EPS15: variants seen among roughly 807,000 people sequenced by gnomAD.
EPS15 encodes the protein epidermal growth factor receptor pathway substrate 15.
In EPS15, 72 loss-of-function variants were observed where a neutral mutation model predicts 113.8. The observed-to-expected ratio is 0.63, with a 90% CI of 0.52 to 0.77. The LOEUF is 0.77. Among genes scored for constraint, EPS15 ranks in the 30% least tolerant of loss-of-function variants. The probability of loss-of-function intolerance (pLI) is 0.00; values close to 1 mark genes in which losing one functional copy is unlikely to be tolerated. For synonymous variants in EPS15, 344 were observed against 363.4 expected, an observed-to-expected ratio of 0.95 and a Z score of 0.61; for missense variants, 1,048 against 1,045.8, an observed-to-expected ratio of 1.00 and a Z score of -0.03.
At chr1:51,366,712 T>C (rs1244940340) in intron 21 of EPS15, among the ~76,000 whole-genome samples, 6 of 152,226 alleles carry the variant, frequency 3.9e-5, no homozygotes, top group Non-Finnish European at 8.8e-5. Flanking sequence ...ATAATACCAT[T>C]AATGCCACAT....
chr1:51,433,989 T>A (rs1365542526), intron 12 of EPS15, among the ~76,000 whole-genome samples: 2 of 152,222 alleles, frequency 1.3e-5, no homozygotes, highest in Non-Finnish European at 2.9e-5. Context: ...CATTTTACTG[T>A]CACAGCAACA....
intron 11 of EPS15, among the ~76,000 whole-genome samples, chr1:51,440,838 T>A (rs1652543119): frequency 6.6e-6 from 1 of 152,090 alleles, no homozygotes; most frequent in African/African-American, 2.4e-5. Context: ...TGGCTGAGAG[T>A]AAACACACAA....
chr1:51,369,501 C>T (rs1278502053), intron 21 of EPS15, among the ~76,000 whole-genome samples: 3 of 152,074 alleles, frequency 2.0e-5, no homozygotes, highest in African/African-American at 7.2e-5. Context: ...TACCGCCTTT[C>T]CCCAAAGAAT....
intron 8 of EPS15, 42 bp from the exon 9 acceptor site, chr1:51,448,177 T>G (rs1173366643): frequency 8.5e-7 from 1 of 1,182,520 alleles, no homozygotes; most frequent in South Asian, 1.3e-5. Flanking sequence ...TTAAAAGCAC[T>G]TAACATCCAC....
intron 11 of EPS15, among the ~76,000 whole-genome samples, chr1:51,444,023 A>G (rs1380254194): frequency 2.0e-5 from 3 of 152,192 alleles, no homozygotes; most frequent in Non-Finnish European, 4.4e-5. Context: ...AAAACCCAAA[A>G]TATTCTATGA....
intron 1 of EPS15, among the ~76,000 whole-genome samples, chr1:51,488,486 A>AAAAAAAAC (rs1644167581): frequency 6.6e-6 from 1 of 150,568 alleles, no homozygotes; most frequent in African/African-American, 2.4e-5. Flanking sequence ...AAAAAAAAAA[A>AAAAAAAAC]AAAAAAAAAA....
At chr1:51,499,268 TATTTC>T (rs769993351) in intron 1 of EPS15, among the ~76,000 whole-genome samples, 9 of 152,372 alleles carry the variant, frequency 5.9e-5, no homozygotes, top group Admixed American at 2.0e-4. Context: ...GTGTTTGGCT[TATTTC>T]ATTTCAAGTC....
intron 2 of EPS15, 43 bp from the exon 3 acceptor site, chr1:51,472,991 G>C: frequency 1.4e-6 from 2 of 1,472,206 alleles, no homozygotes; most frequent in Non-Finnish European, 1.9e-6. Flanking sequence ...AAATACAAAA[G>C]GCAAAATTAT....
chr1:51,370,916 C>A (rs1441893024), intron 21 of EPS15, among the ~76,000 whole-genome samples: 2 of 150,180 alleles, frequency 1.3e-5, no homozygotes, highest in African/African-American at 4.9e-5. Context: ...ACCATGCCCA[C>A]CCTATTTTGG....
At chr1:51,432,413 T>C (rs1338634136) in intron 12 of EPS15, among the ~76,000 whole-genome samples, 3 of 151,984 alleles carry the variant, frequency 2.0e-5, no homozygotes, top group Non-Finnish European at 2.9e-5. Context: ...AGCAATTCTC[T>C]TGCCTTGGCC....
At chr1:51,360,838 T>C (rs1381693409) in intron 24 of EPS15, among the ~76,000 whole-genome samples, 1 of 152,172 alleles carries the variant, frequency 6.6e-6, no homozygotes, top group Non-Finnish European at 1.5e-5. Context: ...GCAATGACTC[T>C]GTAATTGTTC....
chr1:51,392,582 A>T (rs12567583), intron 21 of EPS15, among the ~76,000 whole-genome samples: 6,380 of 152,290 alleles, frequency 0.042, 199 homozygotes, highest in Middle Eastern at 0.11. Flanking sequence ...AAAAAAAGAG[A>T]AATAGCTCTT....
In EPS15 at chr1:51,447,056, T is replaced by G; in HGVS notation, c.701A>C (p.Lys234Thr). 6.2e-7 allele frequency: 1 copy of G among 1,613,672 alleles called. No individual in the cohort carries two copies. Among genetic ancestry groups the G allele is most frequent in the Non-Finnish European group, 8.5e-7 (1 of 1,179,754 alleles). The change falls in exon 10 of 25, where the codon AAA (lysine) becomes ACA (threonine). Residue 234 changes from lysine (K) to threonine (T), a missense_variant. Coordinates refer to ENST00000371733, the MANE Select transcript of EPS15 (RefSeq NM_001981.3). ...EKAKYDEIFL[K>T]TDKDMDGFVS... ...AAATCCGTCCATATCTTTATCAGTT[T>G]TCAGGAAGATTTCATCATATTTAGC...
intron 8 of EPS15, among the ~76,000 whole-genome samples, chr1:51,451,468 G>A (rs1433581810): frequency 4.5e-5 from 5 of 112,076 alleles, no homozygotes; most frequent in African/African-American, 1.8e-4. Flanking sequence ...TCCAGCCTGG[G>A]AAACAGAGAG....
At chr1:51,488,348 G>C (rs963712235) in intron 1 of EPS15, among the ~76,000 whole-genome samples, 1 of 151,704 alleles carries the variant, frequency 6.6e-6, no homozygotes, top group Non-Finnish European at 1.5e-5. Context: ...CTTACCAGCT[G>C]TCACAAAGTT....
intron 2 of EPS15, 33 bp from the exon 3 acceptor site, chr1:51,472,981 A>G: frequency 1.3e-6 from 2 of 1,557,314 alleles, no homozygotes; most frequent in Non-Finnish European, 1.8e-6. Context: ...GTTGACAACA[A>G]AATACAAAAG....
At chr1:51,446,514 C>T (rs1296247779) in intron 10 of EPS15, among the ~76,000 whole-genome samples, 3 of 146,412 alleles carry the variant, frequency 2.0e-5, no homozygotes, top group Non-Finnish European at 4.5e-5. Flanking sequence ...AGTGCAATGG[C>T]GTGATCTCAG....
intron 24 of EPS15, among the ~76,000 whole-genome samples, chr1:51,357,131 C>G: frequency 6.6e-6 from 1 of 151,272 alleles, no homozygotes; most frequent in East Asian, 1.9e-4. Context: ...GTAATCCCAG[C>G]ACTTTGGAGG....
intron 21 of EPS15, among the ~76,000 whole-genome samples, chr1:51,391,725 G>C (rs1647388082): frequency 6.6e-6 from 1 of 152,054 alleles, no homozygotes; most frequent in African/African-American, 2.4e-5. Context: ...TGAAGGTAGA[G>C]TCAATAAGAT....
Sources: gnomAD v4.1 joint callset for allele counts (sites outside exome capture counted in the v4.1 genomes callset) on GRCh38, gnomAD v4.1.1 for gene constraint, MANE v1.5 for transcripts, NCBI Gene and HGNC (gene_info 2026-07-23, HGNC 2026-07-21) for gene names.